RASAL2: variants seen among roughly 807,000 people sequenced by gnomAD.
The protein encoded by RASAL2 is ras GTPase-activating protein nGAP.
A neutral mutation model predicts 128.9 loss-of-function variants in RASAL2; 58 were observed. The ratio of observed to expected loss-of-function variants is 0.45; its 90% CI spans 0.36 to 0.56. RASAL2 has a LOEUF of 0.56. RASAL2 is among the 20% of genes least tolerant of loss of function. RASAL2 has a pLI of 0.00. For synonymous variants in RASAL2, 561 were observed against 580.8 expected (o/e 0.97, Z 0.49); for missense variants, 1,360 against 1,601.6 (o/e 0.85, Z 2.57).
chr1:178,108,727 C>T (rs1019813916), intron 1 of RASAL2, among the ~76,000 whole-genome samples: 13 of 152,114 alleles, frequency 8.5e-5, no homozygotes, highest in African/African-American at 3.1e-4. Flanking sequence ...TAATTTGTAT[C>T]CCAATCCTGT....
rs969485099 is a variant in RASAL2 at position 178,477,334 on chromosome 1, A to G, written c.*4095A>G. The G allele has an allele frequency of 6.6e-6, 1 of 152,200 alleles. No individual in the cohort carries two copies. The highest frequency in any genetic ancestry group is 1.5e-5 in the Non-Finnish European group (1 of 68,034). The allele number at this position is 152,200 out of a possible 1,614,324, so 9.4% of individuals were successfully genotyped here. ...GGATTTAGTTTCTTAAAAGCAAGAA[A>G]TGTTGGAGTGTTGAATTTTTAAATA... On this transcript the variant is annotated 3_prime_UTR_variant, in exon 18 of 18. Coordinates refer to ENST00000367649, the MANE Select transcript of RASAL2 (RefSeq NM_170692.4).
intron 1 of RASAL2, among the ~76,000 whole-genome samples, chr1:178,152,921 A>G (rs1345337344): frequency 6.6e-6 from 1 of 152,206 alleles, no homozygotes; most frequent in African/African-American, 2.4e-5. Context: ...TAATCTATAT[A>G]TCATTATTAT....
chr1:178,436,390 T>A (rs1033320673), intron 5 of RASAL2, among the ~76,000 whole-genome samples: 1 of 152,148 alleles, frequency 6.6e-6, no homozygotes, highest in Admixed American at 6.6e-5. Flanking sequence ...TTTGGAGTTA[T>A]AATTCTAAGT....
intron 1 of RASAL2, among the ~76,000 whole-genome samples, chr1:178,108,739 G>T (rs1179125943): frequency 2.6e-5 from 4 of 152,116 alleles, no homozygotes; most frequent in Non-Finnish European, 4.4e-5. Flanking sequence ...CAATCCTGTA[G>T]TTTACCTGTG....
At chr1:178,456,152 G>T (rs1464774226) in intron 12 of RASAL2, among the ~76,000 whole-genome samples, 1 of 152,176 alleles carries the variant, frequency 6.6e-6, no homozygotes, top group African/African-American at 2.4e-5. Context: ...GTGGGTCAGG[G>T]TTCCCAAGAT....
chr1:178,261,832 C>T (rs751680450), intron 1 of RASAL2, among the ~76,000 whole-genome samples: 3 of 151,158 alleles, frequency 2.0e-5, no homozygotes, highest in Non-Finnish European at 2.9e-5. Flanking sequence ...CAGAGAATTG[C>T]TTGAACCTGG....
At chr1:178,463,973 T>C (rs921359010) in intron 14 of RASAL2, among the ~76,000 whole-genome samples, 2 of 152,222 alleles carry the variant, frequency 1.3e-5, no homozygotes, top group African/African-American at 4.8e-5. Context: ...ATTTGTTACC[T>C]ACCAGTATTT....
At chr1:178,113,343 C>T (rs1439658548) in intron 1 of RASAL2, among the ~76,000 whole-genome samples, 2 of 151,434 alleles carry the variant, frequency 1.3e-5, no homozygotes, top group Non-Finnish European at 2.9e-5. Flanking sequence ...AGGTCTTGTT[C>T]TGTCACCCAG....
At chr1:178,100,196 T>G (rs979279332) in intron 1 of RASAL2, among the ~76,000 whole-genome samples, 3 of 151,966 alleles carry the variant, frequency 2.0e-5, no homozygotes, top group Non-Finnish European at 2.9e-5. Flanking sequence ...TTTATCTTTT[T>G]CAGATAATAA....
chr1:178,330,066 A>C (rs895234448), intron 3 of RASAL2, among the ~76,000 whole-genome samples: 2 of 152,172 alleles, frequency 1.3e-5, no homozygotes, highest in African/African-American at 4.8e-5. Flanking sequence ...CTTTAATCAG[A>C]GCCATTAGTA....
chr1:178,282,530 C>T (rs1666834058), intron 1 of RASAL2, among the ~76,000 whole-genome samples: 1 of 152,020 alleles, frequency 6.6e-6, no homozygotes, highest in Admixed American at 6.6e-5. Context: ...CATCCTGTGA[C>T]AAAAGACAAA....
intron 9 of RASAL2, among the ~76,000 whole-genome samples, chr1:178,448,017 C>T (rs930406420): frequency 6.6e-6 from 1 of 152,016 alleles, no homozygotes; most frequent in Non-Finnish European, 1.5e-5. Context: ...TCTAAGATAC[C>T]TGTCTAGCTG....
At chr1:178,438,817 T>C (rs1480375742) in intron 5 of RASAL2, among the ~76,000 whole-genome samples, 1 of 151,704 alleles carries the variant, frequency 6.6e-6, no homozygotes, top group Admixed American at 6.6e-5. Flanking sequence ...AAGAATTCTA[T>C]ATTGAGATGG....
chr1:178,321,286 A>G (rs1357960906), intron 3 of RASAL2, among the ~76,000 whole-genome samples: 1 of 152,102 alleles, frequency 6.6e-6, no homozygotes, highest in South Asian at 2.1e-4. Flanking sequence ...GTTTCACCCC[A>G]TGTTGGCCAG....
intron 1 of RASAL2, among the ~76,000 whole-genome samples, chr1:178,150,295 A>G (rs1660868182): frequency 6.6e-6 from 1 of 152,036 alleles, no homozygotes; most frequent in Admixed American, 6.6e-5. Context: ...CCTGGGTTCA[A>G]GTGATTCTCC....
At chr1:178,224,821 T>A (rs920852515) in intron 1 of RASAL2, among the ~76,000 whole-genome samples, 1 of 152,160 alleles carries the variant, frequency 6.6e-6, no homozygotes, top group Non-Finnish European at 1.5e-5. Context: ...GTTTTCCCTT[T>A]TCATCTCTAC....
At chr1:178,136,612 C>T (rs911618856) in intron 1 of RASAL2, among the ~76,000 whole-genome samples, 5 of 151,366 alleles carry the variant, frequency 3.3e-5, no homozygotes, top group East Asian at 1.9e-4. Flanking sequence ...CGAAAATTAC[C>T]GGGGCGTGGT....
rs566243721 is a variant in RASAL2, at chr1:178,318,175, T to C, written c.457+18057T>C. On this transcript the variant is annotated intron_variant, in intron 3 of 17. Coordinates refer to ENST00000367649, the MANE Select transcript of RASAL2 (RefSeq NM_170692.4). ...CTGAGAGACAGTTTGTTATAATTTC[T>C]GTTCTTTTACATTTGCTGAGGAGAG... 1.8e-4 allele frequency among the ~76,000 whole-genome samples: 27 copies of C among 152,132 alleles called. No individual in the cohort carries two copies. The East Asian group carries it at 4.1e-3, about 23-fold the overall frequency.
chr1:178,256,950 AGGCATGAGCCACTGCGCCT>A (rs897172191), intron 1 of RASAL2, among the ~76,000 whole-genome samples: 1 of 152,194 alleles, frequency 6.6e-6, no homozygotes, highest in African/African-American at 2.4e-5. Flanking sequence ...CTAGGATTAC[AGGCATGAGCCACTGCGCCT>A]GGCCCAATGG....
Sources: gnomAD v4.1 joint callset for allele counts (sites outside exome capture counted in the v4.1 genomes callset) on GRCh38, gnomAD v4.1.1 for gene constraint, MANE v1.5 for transcripts, NCBI Gene and HGNC (gene_info 2026-07-23, HGNC 2026-07-21) for gene names.